The following TAFA2 variants were observed in gnomAD, a reference collection of about 807,000 sequenced individuals.
TAFA2 encodes the protein TAFA chemokine like family member 2.
Under a neutral mutation model 18.8 loss-of-function variants are expected in TAFA2, and 7 were observed. The observed-to-expected ratio is 0.37, with a 90% confidence interval of 0.21 to 0.70. The LOEUF is 0.70. Among genes scored for constraint, TAFA2 ranks in the 30% least tolerant of loss-of-function variants. TAFA2 has a pLI of 0.53. For synonymous variants in TAFA2, 60 were observed against 54.2 expected (o/e 1.11, Z -0.47); for missense variants, 122 against 158.1 (o/e 0.77, Z 1.23).
At chr12:62,116,237 C>T (rs1296485654) in intron 1 of TAFA2, among the ~76,000 whole-genome samples, 1 of 152,132 alleles carries the variant, frequency 6.6e-6, no homozygotes, top group Non-Finnish European at 1.5e-5. Context: ...CACTGAGATG[C>T]ACGAAGCCCA....
intron 1 of TAFA2, among the ~76,000 whole-genome samples, chr12:62,189,534 T>C (rs1049911385): frequency 1.3e-5 from 2 of 152,136 alleles, no homozygotes; most frequent in African/African-American, 4.8e-5. Flanking sequence ...AAATATAGGA[T>C]GTTAGGTGCC....
At chr12:61,991,083 G>A (rs1405296282) in intron 1 of TAFA2, among the ~76,000 whole-genome samples, 2 of 152,164 alleles carry the variant, frequency 1.3e-5, no homozygotes, top group Non-Finnish European at 2.9e-5. Flanking sequence ...GGTACTTTAT[G>A]CTCTTTTCTG....
At chr12:62,040,603 C>T (rs893271002) in intron 1 of TAFA2, among the ~76,000 whole-genome samples, 16 of 152,144 alleles carry the variant, frequency 1.1e-4, no homozygotes, top group Non-Finnish European at 2.2e-4. Context: ...CTAGAGGCTT[C>T]GGGGAGAACA....
intron 1 of TAFA2, among the ~76,000 whole-genome samples, chr12:61,918,238 A>G: frequency 6.6e-6 from 1 of 152,102 alleles, no homozygotes; most frequent in Non-Finnish European, 1.5e-5. Flanking sequence ...CCTAACAAAT[A>G]CTAGGTCTTA....
intron 1 of TAFA2, among the ~76,000 whole-genome samples, chr12:61,895,564 A>G (rs1875805674): frequency 6.6e-6 from 1 of 152,232 alleles, no homozygotes. Context: ...AAAGAGTTGG[A>G]GAGAACAGTT....
intron 4 of TAFA2, among the ~76,000 whole-genome samples, chr12:61,732,268 T>A (rs1870487001): frequency 6.6e-6 from 1 of 152,100 alleles, no homozygotes; most frequent in Non-Finnish European, 1.5e-5. Context: ...TGGTGTGGTG[T>A]CAGTGAAATA....
chr12:62,091,946 G>A (rs1868731752), intron 1 of TAFA2, among the ~76,000 whole-genome samples: 1 of 151,950 alleles, frequency 6.6e-6, no homozygotes, highest in African/African-American at 2.4e-5. Context: ...TTTTCAGCTA[G>A]TCATTCTTTG....
At chr12:62,128,576 C>T (rs112652438) in intron 1 of TAFA2, among the ~76,000 whole-genome samples, 5 of 151,978 alleles carry the variant, frequency 3.3e-5, no homozygotes, top group African/African-American at 7.2e-5. Flanking sequence ...ACTCCTGTTC[C>T]GCTCACCATT....
intron 1 of TAFA2, chr12:62,145,535 A>C (rs1214724565): frequency 6.6e-6 from 1 of 152,212 alleles, no homozygotes; most frequent in East Asian, 1.9e-4. Flanking sequence ...AAGGGACCTA[A>C]AGAAGTGGAA....
At chr12:61,802,777 G>A (rs997374826) in intron 2 of TAFA2, among the ~76,000 whole-genome samples, 2 of 151,984 alleles carry the variant, frequency 1.3e-5, no homozygotes, top group African/African-American at 4.8e-5. Flanking sequence ...ATAAATGTTT[G>A]AGGCAATGAA....
At chr12:62,252,982 A>T (rs2062921803) in intron 1 of TAFA2, 1 of 152,172 alleles carries the variant, frequency 6.6e-6, no homozygotes, top group African/African-American at 2.4e-5. Flanking sequence ...AATAGAAGGG[A>T]TCCATGTAAT....
intron 1 of TAFA2, among the ~76,000 whole-genome samples, chr12:62,241,950 C>T (rs761754960): frequency 6.6e-6 from 1 of 152,156 alleles, no homozygotes; most frequent in Non-Finnish European, 1.5e-5. Flanking sequence ...TTGAAGGTCA[C>T]CAGGCATAGA....
intron 1 of TAFA2, among the ~76,000 whole-genome samples, chr12:61,906,618 G>A (rs1876367084): frequency 6.6e-6 from 1 of 151,708 alleles, no homozygotes; most frequent in Non-Finnish European, 1.5e-5. Context: ...CGAAAATGTG[G>A]AAGTGACTTT....
chr12:62,019,785 G>T (rs1030365471), intron 1 of TAFA2, among the ~76,000 whole-genome samples: 19 of 151,496 alleles, frequency 1.3e-4, no homozygotes, highest in African/African-American at 4.6e-4. Flanking sequence ...AAACCTGCAC[G>T]TTGTGCACAT....
rs183001211 is a variant in TAFA2, at chr12:62,079,563, C to T, written c.-2+111696G>A. Among the ~76,000 whole-genome samples the T allele has an allele frequency of 1.4e-3, 205 of 151,004 alleles. No homozygotes were observed. In the Middle Eastern group the frequency reaches 0.037, roughly 28 times the overall value. On this transcript the variant is annotated intron_variant, in intron 1 of 4. Transcript: ENST00000416284. The stretch of plus-strand genomic sequence containing the variant: ...CCTGTACTCCCAGCTACTCGGGAGA[C>T]GGAGGCAGGAGAATTGCTTGAACCA...
chr12:61,849,313 A>C (rs1873543236), intron 2 of TAFA2, among the ~76,000 whole-genome samples: 1 of 152,166 alleles, frequency 6.6e-6, no homozygotes, highest in Non-Finnish European at 1.5e-5. Context: ...AACACTTCTG[A>C]CTTTAAATTT....
chr12:61,979,042 C>T (rs1189970218), intron 1 of TAFA2, among the ~76,000 whole-genome samples: 2 of 152,090 alleles, frequency 1.3e-5, no homozygotes, highest in Admixed American at 1.3e-4. Flanking sequence ...ATTGCTTCTT[C>T]AGTGCTAAAC....
At chr12:62,072,186 C>A (rs759449882) in intron 1 of TAFA2, among the ~76,000 whole-genome samples, 1 of 152,088 alleles carries the variant, frequency 6.6e-6, no homozygotes, top group South Asian at 2.1e-4. Flanking sequence ...CATTCCTGGC[C>A]GGGCGCGGTG....
chr12:62,135,613 T>A (rs1870863803), intron 1 of TAFA2, among the ~76,000 whole-genome samples: 1 of 152,086 alleles, frequency 6.6e-6, no homozygotes, highest in Non-Finnish European at 1.5e-5. Flanking sequence ...AGATTTCACA[T>A]ATGGTAAAAC....
Sources: allele counts gnomAD v4.1 joint callset (sites outside exome capture counted in the v4.1 genomes callset), GRCh38; gene constraint gnomAD v4.1.1; transcripts MANE v1.5; gene names NCBI Gene and HGNC (gene_info 2026-07-23, HGNC 2026-07-21).